The following ACTL9 variants were observed in gnomAD, a reference collection of about 807,000 sequenced individuals.
ACTL9 encodes actin like 9, also known as actin-like protein 9.
In ACTL9, 1 loss-of-function variant was observed where a neutral mutation model predicts 0.9. The observed-to-expected ratio is 1.10, with a 90% CI of 0.39 to 5.23. The LOEUF is 5.23. ACTL9 is among the 30% of genes most tolerant of loss of function. The pLI is 0.16. For missense variants in ACTL9, 597 were observed against 566.8 expected, an observed-to-expected ratio of 1.05 and a Z score of -0.54; for synonymous variants, 283 against 269.5, an observed-to-expected ratio of 1.05 and a Z score of -0.49.
chr19:8,697,788 G>T lies in ACTL9; in HGVS notation c.914C>A (p.Pro305Gln), dbSNP rs371512556. The T allele has an allele frequency of 3.7e-6, 6 of 1,613,048 alleles. No homozygotes were observed. Among genetic ancestry groups the T allele is most frequent in the Admixed American group, 1.7e-5 (1 of 59,988 alleles). Reference sequence around the variant, plus strand: ...GACGGGTGACAGCCCCGGGACCTCTGGGGGGTTGAACAGCAGCTCCGGACA... The same window carrying T: ...GACGGGTGACAGCCCCGGGACCTCTTGGGGGTTGAACAGCAGCTCCGGACA... ...FQCPELLFNPPEVPGLSPVGL... is the reference protein window; with the variant it reads ...FQCPELLFNPQEVPGLSPVGL... Residue 305 changes from proline to glutamine, a missense_variant, in exon 1 of 1, where the codon CCA becomes CAA. Coordinates refer to ENST00000324436, the MANE Select transcript of ACTL9 (RefSeq NM_178525.5). The surrounding 1 kb of genome is among the most constrained non-coding windows in gnomAD (Gnocchi z 4.3).
At position 8,697,852 on chromosome 19, in the gene ACTL9, C is replaced by T. The variant is rs1420072536; in HGVS notation, c.850G>A (p.Asp284Asn). 1.9e-6 allele frequency: 3 copies of T among 1,613,018 alleles called. No homozygotes were observed. The highest frequency in any genetic ancestry group is 2.7e-5 in the African/African-American group (2 of 74,902). Residue 284 changes from aspartate to asparagine, a missense_variant, in exon 1 of 1, where the codon GAT becomes AAT. Asp to Asn is a conservative substitution (Grantham distance 23). Transcript: ENST00000324436. The surrounding 1 kb of genome is among the most constrained non-coding windows in gnomAD (Gnocchi z 4.3). ...QEYKRTLKLP[D>N]GRTVTLGKEL... The stretch of plus-strand genomic sequence containing the variant: ...TTGCCCAGGGTGACCGTGCGCCCAT[C>T]GGGCAGCTTCAGAGTCCGCTTGTAC...
At position 8,697,957 on chromosome 19, in the gene ACTL9, C is replaced by G. The variant is rs782509555; in HGVS notation, c.745G>C (p.Asp249His). The change falls in exon 1 of 1, where the codon GAC becomes CAC. Residue 249 changes from aspartate (D) to histidine (H), a missense_variant. Coordinates refer to ENST00000324436, the MANE Select transcript of ACTL9 (RefSeq NM_178525.5). This position sits in a 1 kb window ranked among gnomAD's most constrained non-coding sequence, Gnocchi z 4.3. ...TGGTGCTTAATGTTCTCCACTAGGTCCAGGTCCTGCTGTCCCAGGGGCAGG... is the reference window on the plus strand; with the variant it reads ...TGGTGCTTAATGTTCTCCACTAGGTGCAGGTCCTGCTGTCCCAGGGGCAGG... ...AGLPLGQQDL[D>H]LVENIKHHYC... is the part of the protein sequence containing the mutation. The G allele has an allele frequency of 1.2e-6, 2 of 1,612,588 alleles. No homozygotes were observed. The highest frequency in any genetic ancestry group is 2.2e-5 in the South Asian group (2 of 91,062).
rs920381976 is a variant in ACTL9 at position 8,698,393 on chromosome 19, G to T, written c.309C>A (p.Arg103=). ...GLQTFIGEAA[R]VLPELTLVQP... is the part of the protein sequence containing the mutation. The stretch of plus-strand genomic sequence containing the variant: ...GCACCAGCGTCAGCTCTGGGAGCAC[G>T]CGGGCTGCCTCGCCGATGAACGTCT... Residue 103 remains arginine (R), a synonymous_variant, in exon 1 of 1, where the codon CGC becomes CGA. Transcript: ENST00000324436. 2.0e-6 allele frequency: 3 copies of T among 1,515,856 alleles called. No individual in the cohort carries two copies. Among genetic ancestry groups the T allele is most frequent in the Non-Finnish European group, 2.7e-6 (3 of 1,131,468 alleles). 93.9% of individuals were successfully genotyped at this position (1,515,856 alleles called of 1,614,324 possible).
chr19:8,697,494 T>A lies in ACTL9; in HGVS notation c.1208A>T (p.Tyr403Phe). 1.2e-6 allele frequency: 2 copies of A among 1,611,900 alleles called. No individual in the cohort carries two copies. The highest frequency in any genetic ancestry group is 1.3e-5 in the African/African-American group (1 of 74,836). ...CACGATATAGGGACCCTGTTCCTCG[T>A]ACTGCTCCCGCAGGACCCAGCAGGA... is the stretch of plus-strand genomic sequence containing the variant. ...FQSCWVLREQ[Y>F]EEQGPYIVYR... Residue 403 changes from tyrosine to phenylalanine, a missense_variant, in exon 1 of 1, where the codon TAC becomes TTC. Coordinates refer to ENST00000324436, the MANE Select transcript of ACTL9 (RefSeq NM_178525.5). The surrounding 1 kb of genome is among the most constrained non-coding windows in gnomAD (Gnocchi z 4.3).
chr19:8,698,158 C>T lies in ACTL9; in HGVS notation c.544G>A (p.Val182Met), dbSNP rs781941982. The T allele has an allele frequency of 1.9e-5, 30 of 1,608,564 alleles. No individual in the cohort carries two copies. Among genetic ancestry groups the T allele is most frequent in the Non-Finnish European group, 2.5e-5 (29 of 1,179,944 alleles). The change falls in exon 1 of 1, where the codon GTG becomes ATG. Residue 182 changes from valine to methionine, a missense_variant. Physicochemically the swap from Val to Met is conservative, Grantham distance 21. Transcript: ENST00000324436. ...CGACCGTGGGCGTAGACAGACAGCA[C>T]CGACTGCGATGCCACGTACATGGCT... ...SPAMYVASQS[V>M]LSVYAHGRVS...
Position 8,698,642 on chromosome 19 carries a change from G to A in ACTL9, c.60C>T (p.Pro20=), listed in dbSNP as rs782268222. The change falls in exon 1 of 1, where the codon CCC becomes CCT. Residue 20 remains proline, a synonymous_variant. Coordinates refer to ENST00000324436, the MANE Select transcript of ACTL9 (RefSeq NM_178525.5). The part of the protein sequence containing the change: ...ESQSSLEAPR[P]GPNPSPNVVN... ...CCACGTTGGGACTGGGGTTTGGGCC[G>A]GGCCTGGGGGCCTCCAGGGAGGACT... 10 of 1,579,688 alleles carry A rather than the reference G, an allele frequency of 6.3e-6. No individual in the cohort carries two copies. The highest frequency in any genetic ancestry group is 1.7e-4 in the Middle Eastern group (1 of 5,952).
In ACTL9 at chr19:8,697,448, T is replaced by C. The variant is rs781954575; in HGVS notation, c.*3A>G. On this transcript the variant is annotated 3_prime_UTR_variant, in exon 1 of 1. Coordinates refer to ENST00000324436, the MANE Select transcript of ACTL9 (RefSeq NM_178525.5). This position sits in a 1 kb window ranked among gnomAD's most constrained non-coding sequence, Gnocchi z 4.3. ...CCCCACGCCCTCCCCAGCTCTGCCCTGGTCAGTAGCATTTGCGGTACACGA... is the reference window on the plus strand; with the variant it reads ...CCCCACGCCCTCCCCAGCTCTGCCCCGGTCAGTAGCATTTGCGGTACACGA... 6.3e-7 allele frequency: 1 copy of C among 1,579,280 alleles called. No individual in the cohort carries two copies. The highest frequency in any genetic ancestry group is 1.8e-5 in the Admixed American group (1 of 54,538).
chr19:8,698,554 C>T lies in ACTL9; in HGVS notation c.148G>A (p.Gly50Ser), dbSNP rs1555753519. 12 of 1,612,326 alleles carry T rather than the reference C, an allele frequency of 7.4e-6. No homozygotes were observed. The highest frequency in any genetic ancestry group is 1.0e-5 in the Non-Finnish European group (12 of 1,178,920). The change falls in exon 1 of 1, where the codon GGC becomes AGC. Residue 50 changes from glycine to serine, a missense_variant. Transcript: ENST00000324436. ...GTGCCCATGTCAATAACCACCGCGC[C>T]GGTCTTTGGTGGCAGCCTGTCGGCC... ...MVADRLPPKTGAVVIDMGTGT... is the reference protein window; with the variant it reads ...MVADRLPPKTSAVVIDMGTGT...
Position 8,698,313 on chromosome 19 carries a change from C to T in ACTL9, c.389G>A (p.Arg130His). Reference protein sequence around the residue: ...VDWDAAELIWRHLLEHDLRVA... With the variant: ...VDWDAAELIWHHLLEHDLRVA... Reference sequence around the variant, plus strand: ...TCGGAGGTCGTGCTCCAGCAGGTGGCGCCAGATGAGCTCGGCGGCATCCCA... The same window carrying T: ...TCGGAGGTCGTGCTCCAGCAGGTGGTGCCAGATGAGCTCGGCGGCATCCCA... Residue 130 changes from arginine to histidine, a missense_variant, in exon 1 of 1, where the codon CGC (arginine) becomes CAC (histidine). Physicochemically the swap from Arg to His is conservative, Grantham distance 29. Coordinates refer to ENST00000324436, the MANE Select transcript of ACTL9 (RefSeq NM_178525.5). 2 of 1,531,750 alleles carry T rather than the reference C, an allele frequency of 1.3e-6. No individual in the cohort carries two copies. The highest frequency in any genetic ancestry group is 1.8e-6 in the Non-Finnish European group (2 of 1,137,714). The allele number at this position is 1,531,750 out of a possible 1,614,324, so 94.9% of individuals were successfully genotyped here.
chr19:8,698,487 G>A lies in ACTL9; in HGVS notation c.215C>T (p.Thr72Ile). 1.3e-6 allele frequency: 2 copies of A among 1,571,730 alleles called. No individual in the cohort carries two copies. The highest frequency in any genetic ancestry group is 1.7e-6 in the Non-Finnish European group (2 of 1,153,130). ...GCCCAGGATGGTGGCCACGGTGTAG[G>A]TGGGGCTGGCCTGCCCAGCAAAACC... ...KVGFAGQASP[T>I]YTVATILGCQ... Residue 72 changes from threonine (T) to isoleucine (I), a missense_variant, in exon 1 of 1, where the codon ACC (threonine) becomes ATC (isoleucine). Coordinates refer to ENST00000324436, the MANE Select transcript of ACTL9 (RefSeq NM_178525.5).
In ACTL9 at chr19:8,698,030, C is replaced by T. The variant is rs782063935; in HGVS notation, c.672G>A (p.Ala224=). ...LLHATERLDL[A]GNNLTAFLAE... is the part of the protein sequence containing the mutation. ...CCAGGAAGGCGGTCAGGTTGTTGCC[C>T]GCCAGGTCCAGACGCTCCGTGGCGT... Residue 224 remains alanine (A), a synonymous_variant, in exon 1 of 1, where the codon GCG becomes GCA. Coordinates refer to ENST00000324436, the MANE Select transcript of ACTL9 (RefSeq NM_178525.5). 2.1e-5 allele frequency: 34 copies of T among 1,601,686 alleles called. No individual in the cohort carries two copies. In the Middle Eastern group the frequency reaches 1.5e-3, roughly 70 times the overall value.
At position 8,698,740 on chromosome 19, in the gene ACTL9, G is replaced by T; in HGVS notation, c.-39C>A. ...CAGGTGAGGGGGCTTTTCCTCTGGG[G>T]TTGGGGTTGCGGGGAGAAGAGGTTG... On this transcript the variant is annotated 5_prime_UTR_variant, in exon 1 of 1. Coordinates refer to ENST00000324436, the MANE Select transcript of ACTL9 (RefSeq NM_178525.5). 1 of 1,448,890 alleles carries T rather than the reference G, an allele frequency of 6.9e-7. No individual in the cohort carries two copies. The highest frequency in any genetic ancestry group is 1.4e-5 in the African/African-American group (1 of 69,600). The allele number at this position is 1,448,890 out of a possible 1,614,324, so 89.8% of individuals were successfully genotyped here. A position where few individuals can be genotyped will look rare whatever the true frequency, so the allele number is the denominator to read the frequency against.
Position 8,698,734 on chromosome 19 carries a change from T to G in ACTL9, c.-33A>C. ...GGACGCCAGGTGAGGGGGCTTTTCC[T>G]CTGGGGTTGGGGTTGCGGGGAGAAG... On this transcript the variant is annotated 5_prime_UTR_variant, in exon 1 of 1. Transcript: ENST00000324436. 1 of 1,456,294 alleles carries G rather than the reference T, an allele frequency of 6.9e-7. No homozygotes were observed. The highest frequency in any genetic ancestry group is 9.1e-7 in the Non-Finnish European group (1 of 1,096,228). 90.2% of individuals were successfully genotyped at this position (1,456,294 alleles called of 1,614,324 possible). A position where few individuals can be genotyped will look rare whatever the true frequency, so the allele number is the denominator to read the frequency against.
Position 8,698,020 on chromosome 19 carries a change from G to T in ACTL9, c.682C>A (p.Leu228Met). 1 of 1,603,272 alleles carries T rather than the reference G, an allele frequency of 6.2e-7. No homozygotes were observed. Residue 228 changes from leucine (L) to methionine (M), a missense_variant, in exon 1 of 1, where the codon CTG becomes ATG. Physicochemically the swap from Leu to Met is conservative, Grantham distance 15. Transcript: ENST00000324436. ...TERLDLAGNN[L>M]TAFLAEMLLQ... The stretch of plus-strand genomic sequence containing the variant: ...AGCATCTCCGCCAGGAAGGCGGTCA[G>T]GTTGTTGCCCGCCAGGTCCAGACGC...
In ACTL9 at chr19:8,697,621, C is replaced by A; in HGVS notation, c.1081G>T (p.Ala361Ser). The A allele has an allele frequency of 1.2e-6, 2 of 1,612,296 alleles. No homozygotes were observed. Among genetic ancestry groups the A allele is most frequent in the South Asian group, 2.2e-5 (2 of 91,024 alleles). Residue 361 changes from alanine (A) to serine (S), a missense_variant, in exon 1 of 1, where the codon GCT (alanine) becomes TCT (serine). Transcript: ENST00000324436. This position sits in a 1 kb window ranked among gnomAD's most constrained non-coding sequence, Gnocchi z 4.3. ...EGRFRAELLRALPAETHVVVA... is the reference protein window; with the variant it reads ...EGRFRAELLRSLPAETHVVVA... ...ACCACGTGGGTCTCGGCTGGCAGAG[C>A]GCGCAGCAGCTCTGCCCGGAAGCGA...
In ACTL9 at chr19:8,698,049, G is replaced by T. The variant is rs2043208727; in HGVS notation, c.653C>A (p.Thr218Lys). 1 of 1,601,370 alleles carries T rather than the reference G, an allele frequency of 6.2e-7. No individual in the cohort carries two copies. Among genetic ancestry groups the T allele is most frequent in the Admixed American group, 1.7e-5 (1 of 59,994 alleles). ...VFQGYNLLHA[T>K]ERLDLAGNNL... ...GTTGCCCGCCAGGTCCAGACGCTCC[G>T]TGGCGTGGAGCAGGTTGTAGCCCTG... The change falls in exon 1 of 1, where the codon ACG becomes AAG. Residue 218 changes from threonine to lysine, a missense_variant. Thr to Lys is a moderately conservative substitution (Grantham distance 78, BLOSUM62 -1). Coordinates refer to ENST00000324436, the MANE Select transcript of ACTL9 (RefSeq NM_178525.5).
At position 8,697,855 on chromosome 19, in the gene ACTL9, G is replaced by A; in HGVS notation, c.847C>T (p.Pro283Ser). 1 of 1,613,178 alleles carries A rather than the reference G, an allele frequency of 6.2e-7. No individual in the cohort carries two copies. The highest frequency in any genetic ancestry group is 8.5e-7 in the Non-Finnish European group (1 of 1,179,918). ...CCCAGGGTGACCGTGCGCCCATCGG[G>A]CAGCTTCAGAGTCCGCTTGTACTCC... Reference protein sequence around the residue: ...EQEYKRTLKLPDGRTVTLGKE... With the variant: ...EQEYKRTLKLSDGRTVTLGKE... Residue 283 changes from proline (P) to serine (S), a missense_variant, in exon 1 of 1, where the codon CCC becomes TCC. Transcript: ENST00000324436. This position sits in a 1 kb window ranked among gnomAD's most constrained non-coding sequence, Gnocchi z 4.3.
rs2043206286 is a variant in ACTL9, at chr19:8,697,787, T to TG, written c.914dup (p.Glu306ArgfsTer124). 4 of 1,613,094 alleles carry TG rather than the reference T, an allele frequency of 2.5e-6. No individual in the cohort carries two copies. Among genetic ancestry groups the TG allele is most frequent in the Non-Finnish European group, 3.4e-6 (4 of 1,179,950 alleles). On this transcript the variant is annotated frameshift_variant, in exon 1 of 1. Transcript: ENST00000324436. LOFTEE classifies it low-confidence loss of function (END_TRUNC). This position sits in a 1 kb window ranked among gnomAD's most constrained non-coding sequence, Gnocchi z 4.3. ...CGACGGGTGACAGCCCCGGGACCTC[T>TG]GGGGGGTTGAACAGCAGCTCCGGAC...
chr19:8,698,715 C>A lies in ACTL9; in HGVS notation c.-14G>T. The stretch of plus-strand genomic sequence containing the variant: ...ACTTGCATCCATGGTTGCGGGACGC[C>A]AGGTGAGGGGGCTTTTCCTCTGGGG... On this transcript the variant is annotated 5_prime_UTR_variant, in exon 1 of 1. Transcript: ENST00000324436. 1 of 1,434,532 alleles carries A rather than the reference C, an allele frequency of 7.0e-7. No individual in the cohort carries two copies. The highest frequency in any genetic ancestry group is 9.2e-7 in the Non-Finnish European group (1 of 1,084,398). The allele number at this position is 1,434,532 out of a possible 1,614,324, so 88.9% of individuals were successfully genotyped here.
Sources: gnomAD v4.1 joint callset for allele counts on GRCh38, gnomAD v4.1.1 for gene constraint, Gnocchi (gnomAD v3.1) non-coding constraint, MANE v1.5 for transcripts, NCBI Gene and HGNC (gene_info 2026-07-23, HGNC 2026-07-21) for gene names.